The following RAB9B variants were observed in gnomAD, a reference collection of about 807,000 sequenced individuals.
RAB9B encodes ras-related protein Rab-9B.
In RAB9B, 1 loss-of-function variant was observed where a neutral mutation model predicts 8.9. That is an observed-to-expected ratio of 0.11 (90% CI 0.04 to 0.53). RAB9B has a LOEUF of 0.53. Among genes scored for constraint, RAB9B ranks in the 20% least tolerant of loss-of-function variants. The pLI is 0.93. For synonymous variants in RAB9B, 63 were observed against 57.0 expected (o/e 1.10, Z -0.47); for missense variants, 82 against 152.9 (o/e 0.54, Z 2.45).
the RAB9B span, chrX:103,786,374 G>T: frequency 9.4e-7 from 1 of 1,067,337 alleles, no homozygotes; most frequent in Non-Finnish European, 1.3e-6. Flanking sequence ...TAAGGTGCTC[G>T]CTCTGGTGTA....
chrX:103,797,913 TG>T, the RAB9B span, among the ~76,000 whole-genome samples: 1 of 111,557 alleles, frequency 9.0e-6, no homozygotes, highest in Non-Finnish European at 1.9e-5. Context: ...TATTTTTTAT[TG>T]TGCAATACTA....
the RAB9B span, among the ~76,000 whole-genome samples, chrX:103,798,745 C>A: frequency 9.3e-6 from 1 of 107,091 alleles, no homozygotes; most frequent in Non-Finnish European, 1.9e-5. Flanking sequence ...CAGGTTCAAA[C>A]AATTCTCCTG....
At chrX:103,807,703 A>G in the RAB9B span, among the ~76,000 whole-genome samples, 1 of 98,361 alleles carries the variant, frequency 1.0e-5, no homozygotes, top group Non-Finnish European at 2.0e-5. Flanking sequence ...GGGGAGGAAG[A>G]GATGCAGTGG....
At chrX:103,791,388 G>A in the RAB9B span, 1 of 112,162 alleles carries the variant, frequency 8.9e-6, no homozygotes, top group Non-Finnish European at 1.9e-5. Context: ...ACAACCCTGT[G>A]GTTTCCAAGG....
the RAB9B span, among the ~76,000 whole-genome samples, chrX:103,803,536 AT>A: frequency 8.9e-6 from 1 of 112,565 alleles, no homozygotes; most frequent in African/African-American, 3.2e-5. Flanking sequence ...CAATTTTAAA[AT>A]TATTTGTCTA....
downstream of RAB9B, among the ~76,000 whole-genome samples, chrX:103,817,907 A>C (rs2074645900): frequency 9.0e-6 from 1 of 111,516 alleles, no homozygotes; most frequent in African/African-American, 3.3e-5. Context: ...GAGTATAATC[A>C]GAAACAAAGG....
At chrX:103,781,090 G>A in the RAB9B span, 1 of 209,582 alleles carries the variant, frequency 4.8e-6, no homozygotes, top group Admixed American at 5.7e-5. Context: ...AATTGTGCAG[G>A]GTACAATTGG....
chrX:103,781,973 C>T, the RAB9B span, among the ~76,000 whole-genome samples: 1 of 207 alleles, frequency 4.8e-3, no homozygotes, highest in Admixed American at 5.7e-3. Context: ...ATTGTTCACA[C>T]ATACCCAAGG....
chrX:103,810,230 G>A, the RAB9B span, among the ~76,000 whole-genome samples: 3 of 111,589 alleles, frequency 2.7e-5, no homozygotes, highest in African/African-American at 9.8e-5. Flanking sequence ...GGAGATTGGT[G>A]CAGGTGGAGG....
the RAB9B span, among the ~76,000 whole-genome samples, chrX:103,798,338 A>T: frequency 2.2e-3 from 245 of 112,058 alleles, 1 homozygote; most frequent in African/African-American, 7.4e-3. Flanking sequence ...TTGAAACATG[A>T]TATTATTAAT....
chrX:103,812,828 TC>T, the RAB9B span, among the ~76,000 whole-genome samples: 96 of 110,597 alleles, frequency 8.7e-4, no homozygotes, highest in African/African-American at 3.0e-3. Context: ...TTTCATTACT[TC>T]CCCATCCCTA....
the RAB9B span, among the ~76,000 whole-genome samples, chrX:103,783,249 C>T: frequency 2.7e-5 from 3 of 112,290 alleles, 1 homozygote; most frequent in African/African-American, 9.7e-5. Context: ...TGCACACACA[C>T]AGACACACCC....
At chrX:103,800,072 A>G in the RAB9B span, among the ~76,000 whole-genome samples, 1 of 104,573 alleles carries the variant, frequency 9.6e-6, no homozygotes, top group African/African-American at 3.6e-5. Context: ...ATTTTTACTA[A>G]ATTGCTCTGT....
At chrX:103,797,986 T>G in the RAB9B span, among the ~76,000 whole-genome samples, 1 of 111,157 alleles carries the variant, frequency 9.0e-6, no homozygotes, top group Non-Finnish European at 1.9e-5. Context: ...AAGTGTGGTC[T>G]TAGAACAAGG....
At chrX:103,790,556 C>T in the RAB9B span, 1 of 1,208,826 alleles carries the variant, frequency 8.3e-7, no homozygotes, top group Admixed American at 2.2e-5. Context: ...CCACTTACAA[C>T]TTTGCCGTCC....
Position 103,826,454 on chromosome X carries a change from T to G in RAB9B, c.-43+551A>C, listed in dbSNP as rs752438532. Among the ~76,000 whole-genome samples the G allele has an allele frequency of 2.7e-5, 3 of 112,115 alleles. No homozygotes were observed. The East Asian group carries it at 8.4e-4, about 31-fold the overall frequency. On this transcript the variant is annotated intron_variant, in intron 2 of 2. Coordinates refer to ENST00000243298, the MANE Select transcript of RAB9B (RefSeq NM_016370.4). ...CTTCATGGAACAATGGCATTTAAGT[T>G]GATGACAATTGACTGATATCAATAT... is the stretch of plus-strand genomic sequence containing the variant.
the RAB9B span, among the ~76,000 whole-genome samples, chrX:103,809,860 GATCAAATGAT>G: frequency 1.8e-5 from 2 of 109,111 alleles, no homozygotes. Context: ...ATACTCCTGG[GATCAAATGAT>G]CCTCCCACCT....
the RAB9B span, among the ~76,000 whole-genome samples, chrX:103,806,740 T>C: frequency 8.9e-6 from 1 of 111,939 alleles, no homozygotes; most frequent in East Asian, 2.8e-4. Context: ...CTCCCTTCCA[T>C]TCTATCAGCT....
At chrX:103,802,619 C>T in the RAB9B span, among the ~76,000 whole-genome samples, 1 of 111,909 alleles carries the variant, frequency 8.9e-6, no homozygotes, top group Admixed American at 9.4e-5. Flanking sequence ...CTCATATCAC[C>T]AGCTATCAGT....
Sources: gnomAD v4.1 joint callset for allele counts (sites outside exome capture counted in the v4.1 genomes callset) on GRCh38, gnomAD v4.1.1 for gene constraint, MANE v1.5 for transcripts, NCBI Gene and HGNC (gene_info 2026-07-23, HGNC 2026-07-21) for gene names.